The following SPOCK1 variants were observed in gnomAD, a reference collection of about 807,000 sequenced individuals.
The protein encoded by SPOCK1 is SPARC (osteonectin), cwcv and kazal like domains proteoglycan 1.
SPOCK1 carries 23 observed loss-of-function variants against 55.3 expected under a neutral mutation model. The observed-to-expected ratio is 0.42, with a 90% confidence interval of 0.30 to 0.59. The LOEUF is 0.59. SPOCK1 is among the 20% of genes least tolerant of loss of function. The pLI, the probability that SPOCK1 is intolerant of heterozygous loss-of-function variation, is 0.22. For synonymous variants in SPOCK1, 226 were observed against 221.0 expected (o/e 1.02, Z -0.20); for missense variants, 499 against 552.5 (o/e 0.90, Z 0.97).
In SPOCK1 at chr5:137,464,662, C is replaced by T. The variant is rs192919756; in HGVS notation, c.186+33711G>A. 3.3e-5 allele frequency among the ~76,000 whole-genome samples: 5 copies of T among 151,934 alleles called. No homozygotes were observed. The East Asian group carries it at 9.7e-4, about 29-fold the overall frequency. ...GGATGAATGGCAATGCCACTCACCACAATGAGAAGCAAGAGGAAAAGGAGC... is the reference window on the plus strand; with the variant it reads ...GGATGAATGGCAATGCCACTCACCATAATGAGAAGCAAGAGGAAAAGGAGC... On this transcript the variant is annotated intron_variant, in intron 2 of 10. Coordinates refer to ENST00000394945, the MANE Select transcript of SPOCK1 (RefSeq NM_004598.4).
At chr5:137,179,732 A>G (rs1456823841) in intron 3 of SPOCK1, among the ~76,000 whole-genome samples, 1 of 152,108 alleles carries the variant, frequency 6.6e-6, no homozygotes, top group Non-Finnish European at 1.5e-5. Context: ...AGCCCCACCT[A>G]ATGACTTGCC....
At chr5:137,020,838 G>A (rs9327769) in intron 6 of SPOCK1, among the ~76,000 whole-genome samples, 53,087 of 151,766 alleles carry the variant, frequency 0.35, 10,464 homozygotes, top group Non-Finnish European at 0.45. Context: ...AGAAAACCAC[G>A]AAGATCCTAT....
At chr5:136,983,254 A>G (rs1318647781) in intron 9 of SPOCK1, among the ~76,000 whole-genome samples, 2 of 152,128 alleles carry the variant, frequency 1.3e-5, no homozygotes, top group Admixed American at 1.3e-4. Flanking sequence ...CATGGGAGGG[A>G]CAGATTTCTC....
intron 6 of SPOCK1, among the ~76,000 whole-genome samples, chr5:137,043,641 T>C (rs997073251): frequency 2.0e-5 from 3 of 152,230 alleles, no homozygotes; most frequent in Non-Finnish European, 4.4e-5. Context: ...TCTGTGGATC[T>C]TGGGGGTTCT....
chr5:137,216,344 C>T (rs1755715378), intron 3 of SPOCK1, among the ~76,000 whole-genome samples: 1 of 152,196 alleles, frequency 6.6e-6, no homozygotes, highest in African/African-American at 2.4e-5. Flanking sequence ...TTATAAAATA[C>T]TCACCCAGGG....
Position 136,977,297 on chromosome 5 carries a change from T to G in SPOCK1, c.*1357A>C, listed in dbSNP as rs1328696841. 6.6e-6 allele frequency: 1 copy of G among 151,444 alleles called. No individual in the cohort carries two copies. The highest frequency in any genetic ancestry group is 2.0e-4 in the East Asian group (1 of 5,122). 9.4% of individuals were successfully genotyped at this position (151,444 alleles called of 1,614,324 possible). On this transcript the variant is annotated 3_prime_UTR_variant, in exon 11 of 11. Coordinates refer to ENST00000394945, the MANE Select transcript of SPOCK1 (RefSeq NM_004598.4). ...TAAAACAAACACTATGGTGAAGAAC[T>G]TTCTTCATTAGTATCTTGTCACTTG...
Position 137,135,989 on chromosome 5 carries a change from T to C in SPOCK1, c.347+4591A>G, listed in dbSNP as rs574235944. Among the ~76,000 whole-genome samples the C allele has an allele frequency of 1.3e-3, 192 of 152,374 alleles. 1 individual carries two copies. Among genetic ancestry groups the C allele is most frequent in the African/African-American group, 4.4e-3 (184 of 41,596 alleles). On this transcript the variant is annotated intron_variant, in intron 4 of 10. Coordinates refer to ENST00000394945, the MANE Select transcript of SPOCK1 (RefSeq NM_004598.4). ...TTTAAATGCACATATGCTTTCATTA[T>C]ATTTTACAATCAAATCTTTTGTTGT...
At chr5:136,983,348 A>C (rs1750770109) in intron 9 of SPOCK1, among the ~76,000 whole-genome samples, 1 of 152,188 alleles carries the variant, frequency 6.6e-6, no homozygotes, top group South Asian at 2.1e-4. Context: ...CTATACCAAG[A>C]TGATCATATT....
intron 2 of SPOCK1, among the ~76,000 whole-genome samples, chr5:137,368,271 G>T (rs1751120007): frequency 6.6e-6 from 1 of 152,202 alleles, no homozygotes; most frequent in South Asian, 2.1e-4. Context: ...ACTTAGTGAA[G>T]CAGAATAACC....
chr5:137,112,630 C>T lies in SPOCK1; in HGVS notation c.348-69G>A, dbSNP rs780954855. ...CCCTATGAGTCTTTCCTCTAAGTTC[C>T]CAGAATAAAAGGCCAAATAAATAAA... On this transcript the variant is annotated intron_variant, in intron 4 of 10. Transcript: ENST00000394945. The T allele has an allele frequency of 2.6e-4, 403 of 1,553,792 alleles. 1 individual carries two copies. Among genetic ancestry groups the T allele is most frequent in the Middle Eastern group, 9.9e-4 (5 of 5,038 alleles).
At chr5:137,231,336 C>T (rs903246680) in intron 3 of SPOCK1, among the ~76,000 whole-genome samples, 126 of 152,284 alleles carry the variant, frequency 8.3e-4, no homozygotes, top group African/African-American at 2.4e-3. Flanking sequence ...CGTGAGCCAC[C>T]GCACCCGGCT....
At chr5:137,126,239 G>T (rs1753780361) in intron 4 of SPOCK1, among the ~76,000 whole-genome samples, 1 of 152,206 alleles carries the variant, frequency 6.6e-6, no homozygotes. Context: ...CTTGCCATGT[G>T]ATGCTGCTCC....
chr5:137,397,011 C>T (rs1368205640), intron 2 of SPOCK1, among the ~76,000 whole-genome samples: 2 of 152,174 alleles, frequency 1.3e-5, no homozygotes, highest in East Asian at 1.9e-4. Flanking sequence ...TTACTTGAAA[C>T]AGGGCCCAGA....
intron 2 of SPOCK1, among the ~76,000 whole-genome samples, chr5:137,280,760 T>C (rs963005843): frequency 1.3e-5 from 2 of 152,176 alleles, no homozygotes; most frequent in East Asian, 1.9e-4. Flanking sequence ...GAAAGTTACA[T>C]AGGAAGACAT....
chr5:136,978,323 T>C lies in SPOCK1; in HGVS notation c.*331A>G. 1 of 330,324 alleles carries C rather than the reference T, an allele frequency of 3.0e-6. No homozygotes were observed. The highest frequency in any genetic ancestry group is 5.4e-6 in the Non-Finnish European group (1 of 183,794). 20.5% of individuals were successfully genotyped at this position (330,324 alleles called of 1,614,324 possible). A position where few individuals can be genotyped will look rare whatever the true frequency, so the allele number is the denominator to read the frequency against. ...AAAGGGTCTTTGACATTTAAGAGGG[T>C]TGGGGCTCCCTGCACTGTCAGAATT... On this transcript the variant is annotated 3_prime_UTR_variant, in exon 11 of 11. Transcript: ENST00000394945.
At chr5:137,400,148 T>A (rs1486045132) in intron 2 of SPOCK1, among the ~76,000 whole-genome samples, 6 of 152,170 alleles carry the variant, frequency 3.9e-5, no homozygotes, top group Non-Finnish European at 7.4e-5. Flanking sequence ...CTGCAGTCAG[T>A]GTGTGCATCA....
chr5:137,004,983 T>C (rs1383851715), intron 6 of SPOCK1, among the ~76,000 whole-genome samples: 2 of 152,196 alleles, frequency 1.3e-5, no homozygotes, highest in Non-Finnish European at 2.9e-5. Context: ...CAAAATGGCC[T>C]AGAGGCAGCA....
chr5:137,018,657 G>A (rs537930154), intron 6 of SPOCK1, among the ~76,000 whole-genome samples: 10 of 152,056 alleles, frequency 6.6e-5, no homozygotes, highest in African/African-American at 1.4e-4. Flanking sequence ...TCTTAGAGGC[G>A]TATTTTATTT....
At chr5:137,330,816 C>A (rs1758162577) in intron 2 of SPOCK1, among the ~76,000 whole-genome samples, 1 of 152,228 alleles carries the variant, frequency 6.6e-6, no homozygotes, top group African/African-American at 2.4e-5. Context: ...GGAAGTCACA[C>A]AAGCCAAGCA....
Sources: allele counts gnomAD v4.1 joint callset (sites outside exome capture counted in the v4.1 genomes callset), GRCh38; gene constraint gnomAD v4.1.1; transcripts MANE v1.5; gene names NCBI Gene and HGNC (gene_info 2026-07-23, HGNC 2026-07-21).